INTS2: variants seen among roughly 807,000 people sequenced by gnomAD.
The protein encoded by INTS2 is KIAA1287.
INTS2 carries 57 observed loss-of-function variants against 139.6 expected under a neutral mutation model. The ratio of observed to expected loss-of-function variants is 0.41; its 90% confidence interval spans 0.33 to 0.51. The LOEUF (loss-of-function observed/expected upper bound fraction) is 0.51, where lower values mean the gene tolerates loss of function less well. Among genes scored for constraint, INTS2 ranks in the 20% least tolerant of loss-of-function variants. INTS2 has a pLI of 0.28. For synonymous variants in INTS2, 473 were observed against 493.4 expected, an observed-to-expected ratio of 0.96 and a Z score of 0.55; for missense variants, 1,196 against 1,436.7, an observed-to-expected ratio of 0.83 and a Z score of 2.71.
At chr17:61,910,116 T>C (rs188939749) in intron 7 of INTS2, 28 of 152,316 alleles carry the variant, frequency 1.8e-4, no homozygotes, top group African/African-American at 6.0e-4. Context: ...GAAAACATTA[T>C]GCTAAGTGAA....
At chr17:61,912,108 T>G (rs1362233538) in intron 5 of INTS2, 38 bp from the exon 6 acceptor site, 1 of 1,599,946 alleles carries the variant, frequency 6.3e-7, no homozygotes, top group Non-Finnish European at 8.5e-7. Context: ...GCCTTCAGAA[T>G]TAATTGTTCA....
At chr17:61,879,071 C>CTTTTTTTT (rs943506280) in intron 17 of INTS2, among the ~76,000 whole-genome samples, 2 of 34,430 alleles carry the variant, frequency 5.8e-5, no homozygotes, top group Admixed American at 4.1e-4. Context: ...CCAGGCTGGT[C>CTTTTTTTT]TTTTTTTTTT....
chr17:61,925,878 T>C (rs1367472257), intron 2 of INTS2, among the ~76,000 whole-genome samples: 1 of 147,128 alleles, frequency 6.8e-6, no homozygotes, highest in African/African-American at 2.5e-5. Flanking sequence ...TACAAAAAAT[T>C]AGCCGGGCAT....
At position 61,871,576 on chromosome 17, in the gene INTS2, C is replaced by T. The variant is rs2079088981; in HGVS notation, c.2778+689G>A. On this transcript the variant is annotated intron_variant, in intron 20 of 24. Coordinates refer to ENST00000251334, the MANE Select transcript of INTS2 (RefSeq NM_001351695.2). This position sits in a 1 kb window ranked among gnomAD's most constrained non-coding sequence, Gnocchi z 4.9. The stretch of plus-strand genomic sequence containing the variant: ...AACAAATAACTAAGGATTTTGTCTT[C>T]TTCACCACTCTATCCCCAGTTCCTG... Among the ~76,000 whole-genome samples, 1 of 152,180 alleles carries T rather than the reference C, an allele frequency of 6.6e-6. No individual in the cohort carries two copies.
intron 5 of INTS2, among the ~76,000 whole-genome samples, chr17:61,912,917 A>T (rs1303332799): frequency 1.3e-5 from 2 of 152,006 alleles, no homozygotes; most frequent in Non-Finnish European, 1.5e-5. Flanking sequence ...CTCTACTAAA[A>T]ATACAAAAAT....
At chr17:61,907,327 A>C in intron 8 of INTS2, 81 bp downstream of exon 8, 1 of 1,197,030 alleles carries the variant, frequency 8.4e-7, no homozygotes, top group South Asian at 1.4e-5. Flanking sequence ...CCTCTGAATA[A>C]AAGGCCTTTG....
At chr17:61,927,283 A>G (rs982138403) in intron 1 of INTS2, 1 of 161,070 alleles carries the variant, frequency 6.2e-6, no homozygotes, top group Non-Finnish European at 1.4e-5. Context: ...GGTAAAAAGC[A>G]GATGTGTGGG....
At chr17:61,892,968 A>G (rs1039178923) in intron 13 of INTS2, among the ~76,000 whole-genome samples, 2 of 143,236 alleles carry the variant, frequency 1.4e-5, no homozygotes, top group African/African-American at 5.0e-5. Flanking sequence ...AAAAAAAAAA[A>G]AAAAAAAAGC....
intron 5 of INTS2, among the ~76,000 whole-genome samples, chr17:61,912,649 T>A (rs956521028): frequency 6.6e-6 from 1 of 152,172 alleles, no homozygotes. Flanking sequence ...TTAATTAATT[T>A]GAAGAAATTT....
chr17:61,887,326 T>C (rs2079238635), intron 15 of INTS2, among the ~76,000 whole-genome samples: 1 of 151,758 alleles, frequency 6.6e-6, no homozygotes. Flanking sequence ...CTACTAAAAA[T>C]ACAAAATTCA....
chr17:61,881,351 C>T (rs573894866), intron 16 of INTS2, among the ~76,000 whole-genome samples, 180 bp from the exon 17 acceptor site: 3 of 152,154 alleles, frequency 2.0e-5, no homozygotes, highest in Non-Finnish European at 4.4e-5. Flanking sequence ...AATCCCAGCA[C>T]TTTGGGAAGC....
rs1303405507 is a variant in INTS2 at position 61,868,765 on chromosome 17, A to G, written c.3244+269T>C. The stretch of plus-strand genomic sequence containing the variant: ...TCCATTTATAAAATACAGAAAGCTT[A>G]TATTTACAAATCTATATATACTCAT... On this transcript the variant is annotated intron_variant, in intron 23 of 24. Coordinates refer to ENST00000251334, the MANE Select transcript of INTS2 (RefSeq NM_001351695.2). This position sits in a 1 kb window ranked among gnomAD's most constrained non-coding sequence, Gnocchi z 4.7. Among the ~76,000 whole-genome samples the G allele has an allele frequency of 6.6e-6, 1 of 152,186 alleles. No homozygotes were observed. The highest frequency in any genetic ancestry group is 1.5e-5 in the Non-Finnish European group (1 of 67,994).
intron 3 of INTS2, among the ~76,000 whole-genome samples, chr17:61,923,965 T>C (rs1046786218): frequency 5.3e-5 from 8 of 152,230 alleles, no homozygotes; most frequent in African/African-American, 1.9e-4. Context: ...TTTAGTTATT[T>C]ATATGATAGA....
Position 61,872,277 on chromosome 17 carries a change from T to C in INTS2, c.2766A>G (p.Leu922=), listed in dbSNP as rs1314189473. ...TAGCAAAATTTACCTGAGCGGCCAGTAATGCATTTTTCAATTCTTCCCTGG... is the reference window on the plus strand; with the variant it reads ...TAGCAAAATTTACCTGAGCGGCCAGCAATGCATTTTTCAATTCTTCCCTGG... ...EVTREELKNA[L]LAAQDSAAVQ... The change falls in exon 20 of 25, where the codon TTA becomes TTG. Residue 922 remains leucine (L), a synonymous_variant. Coordinates refer to ENST00000251334, the MANE Select transcript of INTS2 (RefSeq NM_001351695.2). This position sits in a 1 kb window ranked among gnomAD's most constrained non-coding sequence, Gnocchi z 4.8. The C allele has an allele frequency of 6.2e-7, 1 of 1,609,750 alleles. No homozygotes were observed. Among genetic ancestry groups the C allele is most frequent in the East Asian group, 2.2e-5 (1 of 44,854 alleles).
chr17:61,893,158 T>C lies in INTS2; in HGVS notation c.1698+607A>G. Among the ~76,000 whole-genome samples, 1 of 151,716 alleles carries C rather than the reference T, an allele frequency of 6.6e-6. No homozygotes were observed. Among genetic ancestry groups the C allele is most frequent in the East Asian group, 1.9e-4 (1 of 5,192 alleles). On this transcript the variant is annotated intron_variant, in intron 13 of 24. Transcript: ENST00000251334. This position sits in a 1 kb window ranked among gnomAD's most constrained non-coding sequence, Gnocchi z 5.4. Reference sequence around the variant, plus strand: ...TGGCAGTTTCTAAGTTTTAATAAAATAGCCATGTGCCACTATTGAGAATTT... The same window carrying C: ...TGGCAGTTTCTAAGTTTTAATAAAACAGCCATGTGCCACTATTGAGAATTT...
chr17:61,906,910 G>A lies in INTS2; in HGVS notation c.1181+498C>T, dbSNP rs561783444. Among the ~76,000 whole-genome samples the A allele has an allele frequency of 5.7e-3, 703 of 124,346 alleles. 5 individuals carry two copies. The highest frequency in any genetic ancestry group is 8.6e-3 in the Non-Finnish European group (549 of 63,492). 81.6% of individuals were successfully genotyped at this position (124,346 alleles called of 152,430 possible). A position where few individuals can be genotyped will look rare whatever the true frequency, so the allele number is the denominator to read the frequency against. ...ATCCGGGAGGCAGAGGTTACAGTGA[G>A]CCGAGATCACACCACTGCACTCCAG... On this transcript the variant is annotated intron_variant, in intron 8 of 24. Coordinates refer to ENST00000251334, the MANE Select transcript of INTS2 (RefSeq NM_001351695.2).
intron 8 of INTS2, among the ~76,000 whole-genome samples, chr17:61,905,570 C>T (rs2079453611): frequency 6.6e-6 from 1 of 152,248 alleles, no homozygotes; most frequent in African/African-American, 2.4e-5. Flanking sequence ...CACTGATCCA[C>T]AAGCCTTGGC....
Position 61,869,585 on chromosome 17 carries a change from A to C in INTS2, c.3030+152T>G, listed in dbSNP as rs1278338817. ...ACATTTCATTAGGTTAAAAAAAAAA[A>C]CAACTAAAAATCTGGATTTTTCTCC... On this transcript the variant is annotated intron_variant, in intron 21 of 24. Coordinates refer to ENST00000251334, the MANE Select transcript of INTS2 (RefSeq NM_001351695.2). The surrounding 1 kb of genome is among the most constrained non-coding windows in gnomAD (Gnocchi z 5.4). 1.3e-5 allele frequency among the ~76,000 whole-genome samples: 2 copies of C among 152,022 alleles called. No individual in the cohort carries two copies. Among genetic ancestry groups the C allele is most frequent in the South Asian group, 2.1e-4 (1 of 4,820 alleles).
At chr17:61,892,034 GGAGA>G (rs557991983) in intron 13 of INTS2, among the ~76,000 whole-genome samples, 1 of 151,922 alleles carries the variant, frequency 6.6e-6, no homozygotes, top group Non-Finnish European at 1.5e-5. Flanking sequence ...ATAGGAATTT[GGAGA>G]GAGAGAGATA....
Sources: allele counts gnomAD v4.1 joint callset (sites outside exome capture counted in the v4.1 genomes callset), GRCh38; gene constraint gnomAD v4.1.1; non-coding constraint Gnocchi (gnomAD v3.1); transcripts MANE v1.5; gene names NCBI Gene and HGNC (gene_info 2026-07-23, HGNC 2026-07-21).